FAM193A: variants seen among roughly 807,000 people sequenced by gnomAD.
FAM193A encodes the protein protein FAM193A.
FAM193A carries 22 observed loss-of-function variants against 126.5 expected under a neutral mutation model. The ratio of observed to expected loss-of-function variants is 0.17; its 90% confidence interval spans 0.12 to 0.25. The LOEUF is 0.25. FAM193A is among the 10% of genes least tolerant of loss of function. FAM193A has a pLI of 1.00. For missense variants in FAM193A, 1,675 were observed against 1,672.8 expected (o/e 1.00, Z -0.02); for synonymous variants, 761 against 646.8 (o/e 1.18, Z -2.68).
intron 19 of FAM193A, among the ~76,000 whole-genome samples, chr4:2,714,548 G>A (rs754811480): frequency 5.9e-5 from 9 of 151,968 alleles, no homozygotes; most frequent in Non-Finnish European, 1.3e-4. Context: ...CCTCCACCCC[G>A]CTGTGTGCCC....
chr4:2,678,041 C>A (rs1560556245), intron 13 of FAM193A, among the ~76,000 whole-genome samples: 1 of 152,078 alleles, frequency 6.6e-6, no homozygotes, highest in South Asian at 2.1e-4. Context: ...CTCTGTTACC[C>A]AGGCTGGAAT....
chr4:2,542,544 A>T (rs1437237207), intron 1 of FAM193A, among the ~76,000 whole-genome samples: 1 of 152,224 alleles, frequency 6.6e-6, no homozygotes, highest in Non-Finnish European at 1.5e-5. Context: ...CTGGGGTAAA[A>T]TATTCTTGAC....
intron 20 of FAM193A, among the ~76,000 whole-genome samples, chr4:2,727,250 C>T (rs1009641664): frequency 3.3e-5 from 5 of 151,148 alleles, no homozygotes; most frequent in Admixed American, 1.3e-4. Flanking sequence ...AGCAAGACTC[C>T]GTCTCAAAAA....
At chr4:2,655,438 C>T (rs976779849) in intron 7 of FAM193A, among the ~76,000 whole-genome samples, 24 of 151,192 alleles carry the variant, frequency 1.6e-4, no homozygotes, top group Admixed American at 4.0e-4. Flanking sequence ...TGTGTGTGTG[C>T]GTGTGCGCCT....
At chr4:2,572,453 G>A (rs144162967) in intron 1 of FAM193A, among the ~76,000 whole-genome samples, 2 of 152,226 alleles carry the variant, frequency 1.3e-5, no homozygotes, top group Non-Finnish European at 2.9e-5. Context: ...CACAGTGCTC[G>A]CTGCAGTGGG....
intron 19 of FAM193A, among the ~76,000 whole-genome samples, chr4:2,711,776 A>C (rs1719004535): frequency 6.6e-6 from 1 of 151,950 alleles, no homozygotes; most frequent in South Asian, 2.1e-4. Flanking sequence ...AAAATACAAA[A>C]ATTAGCTGGA....
intron 1 of FAM193A, among the ~76,000 whole-genome samples, chr4:2,570,075 G>A (rs914378534): frequency 6.6e-6 from 1 of 152,114 alleles, no homozygotes; most frequent in African/African-American, 2.4e-5. Context: ...CAGAAACTGA[G>A]AGTATGACTT....
chr4:2,677,327 AG>A (rs1298521573), intron 13 of FAM193A, among the ~76,000 whole-genome samples: 1 of 152,152 alleles, frequency 6.6e-6, no homozygotes, highest in Non-Finnish European at 1.5e-5. Flanking sequence ...GATACCACAC[AG>A]TTTTGATTGC....
chr4:2,561,182 AT>A (rs1341917536), intron 1 of FAM193A, among the ~76,000 whole-genome samples: 1 of 151,938 alleles, frequency 6.6e-6, no homozygotes, highest in East Asian at 1.9e-4. Context: ...GCTGGTAGAG[AT>A]TTCTTTTTTC....
rs1474650370 is a variant in FAM193A at position 2,718,589 on chromosome 4, T to C, written c.4454+2485T>C. Among the ~76,000 whole-genome samples the C allele has an allele frequency of 1.4e-4, 21 of 151,918 alleles. 1 individual carries two copies. On this transcript the variant is annotated intron_variant, in intron 20 of 20. Coordinates refer to ENST00000637812, the MANE Select transcript of FAM193A (RefSeq NM_001366318.2). The stretch of plus-strand genomic sequence containing the variant: ...AAATACAAAAAAAGTAAGCCAGATA[T>C]GGTGGCATGCGCCTGTAGTCCCAGC...
intron 1 of FAM193A, among the ~76,000 whole-genome samples, chr4:2,585,411 G>C (rs1295226557): frequency 6.6e-6 from 1 of 152,086 alleles, no homozygotes; most frequent in African/African-American, 2.4e-5. Flanking sequence ...TTTTGTTTCA[G>C]CCTCTCTGGT....
chr4:2,726,696 C>T (rs1483875802), intron 20 of FAM193A, among the ~76,000 whole-genome samples: 3 of 147,454 alleles, frequency 2.0e-5, no homozygotes, highest in Non-Finnish European at 4.4e-5. Flanking sequence ...TTTGGGAAGC[C>T]GAGGCGGGTG....
rs554359521 is a variant in FAM193A, at chr4:2,630,025, G to A, written c.804-910G>A. Among the ~76,000 whole-genome samples the A allele has an allele frequency of 4.0e-5, 6 of 151,880 alleles. No individual in the cohort carries two copies. The East Asian group carries it at 5.8e-4, about 15-fold the overall frequency. ...CGGGCACCTGTAGTCCCAGCTATTC[G>A]GGAGGCTGAGGCAGGAGAACTGTGT... On this transcript the variant is annotated intron_variant, in intron 4 of 20. Coordinates refer to ENST00000637812, the MANE Select transcript of FAM193A (RefSeq NM_001366318.2).
intron 1 of FAM193A, among the ~76,000 whole-genome samples, chr4:2,565,910 G>A (rs1268291685): frequency 1.3e-5 from 2 of 152,162 alleles, no homozygotes; most frequent in African/African-American, 2.4e-5. Context: ...AAAGGTAAGT[G>A]GTCTAAATTT....
At chr4:2,559,962 T>C (rs1738510773) in intron 1 of FAM193A, among the ~76,000 whole-genome samples, 1 of 150,264 alleles carries the variant, frequency 6.7e-6, no homozygotes, top group South Asian at 2.1e-4. Context: ...CTTTTCTTTT[T>C]TCCTTTTTTT....
intron 2 of FAM193A, among the ~76,000 whole-genome samples, chr4:2,602,785 C>T (rs1199610476): frequency 1.5e-4 from 21 of 142,838 alleles, no homozygotes; most frequent in Middle Eastern, 5.1e-3. Context: ...CTCAGCCTCC[C>T]AAGTAGCTGG....
At chr4:2,706,112 GCAGGAGGATCA>G (rs1184428664) in intron 19 of FAM193A, among the ~76,000 whole-genome samples, 1 of 152,082 alleles carries the variant, frequency 6.6e-6, no homozygotes. Flanking sequence ...GAAGGCTGAG[GCAGGAGGATCA>G]CTTGAGCCCA....
intron 20 of FAM193A, among the ~76,000 whole-genome samples, chr4:2,721,448 A>G (rs1052934478): frequency 6.6e-6 from 1 of 151,726 alleles, no homozygotes; most frequent in Non-Finnish European, 1.5e-5. Flanking sequence ...TGCTTACGCC[A>G]CCTCACTCCA....
chr4:2,699,141 A>C (rs370179016), intron 18 of FAM193A, among the ~76,000 whole-genome samples: 10 of 152,274 alleles, frequency 6.6e-5, no homozygotes, highest in African/African-American at 2.4e-4. Context: ...CACAGGTGTG[A>C]GCCACTGCAC....
Sources: gnomAD v4.1 joint callset for allele counts (sites outside exome capture counted in the v4.1 genomes callset) on GRCh38, gnomAD v4.1.1 for gene constraint, MANE v1.5 for transcripts, NCBI Gene and HGNC (gene_info 2026-07-23, HGNC 2026-07-21) for gene names.